Variants in KIAA2012 observed in about 807,000 individuals in gnomAD.
The protein encoded by KIAA2012 is KIAA2012, also known as uncharacterized protein KIAA2012.
A neutral mutation model predicts 150.6 loss-of-function variants in KIAA2012; 125 were observed. The observed-to-expected ratio is 0.83, with a 90% CI of 0.72 to 0.96. KIAA2012 has a LOEUF of 0.96. KIAA2012 is among the 40% of genes least tolerant of loss of function. The pLI is 0.00. For synonymous variants in KIAA2012, 462 were observed against 504.7 expected, an observed-to-expected ratio of 0.92 and a Z score of 1.13; for missense variants, 1,219 against 1,354.9, an observed-to-expected ratio of 0.90 and a Z score of 1.57.
rs774551426 is a variant in KIAA2012 at position 202,105,736 on chromosome 2, A to G, written c.1325-25A>G. The stretch of plus-strand genomic sequence containing the variant: ...GCAAAAACAACAGACCTCTGCTACA[A>G]TTCAGCCTCCTCTTTGTCTCCTAGG... On this transcript the variant is annotated intron_variant, in intron 8 of 23. Coordinates refer to ENST00000498697, the MANE Select transcript of KIAA2012 (RefSeq NM_001277372.4). The G allele has an allele frequency of 9.0e-6, 14 of 1,547,122 alleles. No homozygotes were observed. The South Asian group carries it at 1.6e-4, about 17-fold the overall frequency.
intron 2 of KIAA2012, among the ~76,000 whole-genome samples, chr2:202,079,390 G>C (rs1367820488): frequency 5.3e-5 from 8 of 152,156 alleles, no homozygotes; most frequent in Non-Finnish European, 1.0e-4. Flanking sequence ...GAGTAATAGT[G>C]CTGCTCACGG....
chr2:202,091,422 G>A (rs111757611), intron 3 of KIAA2012, among the ~76,000 whole-genome samples: 4 of 152,230 alleles, frequency 2.6e-5, no homozygotes, highest in South Asian at 2.1e-4. Context: ...AGGTCCTCCC[G>A]GAAGTGAAAT....
chr2:202,196,253 G>C (rs1441235908), intron 21 of KIAA2012, among the ~76,000 whole-genome samples: 1 of 134,748 alleles, frequency 7.4e-6, no homozygotes, highest in Non-Finnish European at 1.5e-5. Flanking sequence ...TGAGTGCAAC[G>C]GCGCGATCTC....
At chr2:202,095,665 TTC>T (rs1431292072) in intron 4 of KIAA2012, among the ~76,000 whole-genome samples, 5 of 152,114 alleles carry the variant, frequency 3.3e-5, no homozygotes, top group African/African-American at 9.7e-5. Flanking sequence ...AGAAAAAAAA[TTC>T]TGTTTCCCCT....
At chr2:202,083,145 A>G (rs1240207630) in intron 2 of KIAA2012, among the ~76,000 whole-genome samples, 1 of 152,224 alleles carries the variant, frequency 6.6e-6, no homozygotes, top group African/African-American at 2.4e-5. Flanking sequence ...TAATGAGAAC[A>G]TTCAGACCAC....
chr2:202,154,814 A>G lies in KIAA2012; in HGVS notation c.2046+4A>G, dbSNP rs1351243268. The stretch of plus-strand genomic sequence containing the variant: ...CGACATGACGCCGTTCCTGAAGGTG[A>G]TCTCACACTGAGAAGACGAGGGGTT... On this transcript the variant is annotated splice_donor_region_variant and intron_variant, in intron 14 of 23. Transcript: ENST00000498697. 6.5e-7 allele frequency: 1 copy of G among 1,544,514 alleles called. No individual in the cohort carries two copies. The highest frequency in any genetic ancestry group is 2.0e-5 in the Admixed American group (1 of 49,104).
intron 2 of KIAA2012, 35 bp downstream of exon 2, chr2:202,075,210 G>T (rs764879008): frequency 8.7e-6 from 13 of 1,496,238 alleles, no homozygotes; most frequent in Non-Finnish European, 1.1e-5. Context: ...TGGGGAAGGT[G>T]CTGGTAGCAT....
intron 22 of KIAA2012, among the ~76,000 whole-genome samples, chr2:202,200,672 A>C (rs538291168): frequency 2.8e-4 from 42 of 151,456 alleles, no homozygotes; most frequent in African/African-American, 9.7e-4. Context: ...CAAAGACTTA[A>C]AGGAGATTAA....
chr2:202,094,921 A>C, intron 4 of KIAA2012, among the ~76,000 whole-genome samples: 1 of 152,226 alleles, frequency 6.6e-6, no homozygotes, highest in East Asian at 1.9e-4. Flanking sequence ...AATCAGGCAG[A>C]AAACAAAGAG....
rs749024588 is a variant in KIAA2012, at chr2:202,165,367, C to G, written c.2119+11C>G. 6.5e-7 allele frequency: 1 copy of G among 1,548,514 alleles called. No individual in the cohort carries two copies. ...ACCACAACGACCAAGGTACAGACCA[C>G]TAGGTGGGGCTTTATAATCTTATAG... On this transcript the variant is annotated intron_variant, in intron 15 of 23. Coordinates refer to ENST00000498697, the MANE Select transcript of KIAA2012 (RefSeq NM_001277372.4).
At chr2:202,101,460 C>A (rs1055048706) in intron 7 of KIAA2012, among the ~76,000 whole-genome samples, 2 of 152,248 alleles carry the variant, frequency 1.3e-5, no homozygotes, top group African/African-American at 4.8e-5. Flanking sequence ...AAGCCCTCGA[C>A]TTTGCTCCTG....
intron 2 of KIAA2012, chr2:202,076,953 G>A (rs772345717): frequency 8.8e-5 from 40 of 456,566 alleles, no homozygotes; most frequent in Non-Finnish European, 1.5e-4. Flanking sequence ...AATGGGAGAC[G>A]CTGGAAAGAG....
Position 202,107,806 on chromosome 2 carries a change from C to T in KIAA2012, c.1475-1807C>T, listed in dbSNP as rs531955221. Among the ~76,000 whole-genome samples the T allele has an allele frequency of 9.2e-5, 14 of 152,208 alleles. No individual in the cohort carries two copies. In the South Asian group the frequency reaches 2.3e-3, roughly 25 times the overall value. ...GGCAGATCACCTGAGGTCAGGAGTT[C>T]GAGACCAGCCTGACCAACGTGGTGA... On this transcript the variant is annotated intron_variant, in intron 9 of 23. Transcript: ENST00000498697.
chr2:202,129,024 C>A (rs1443163257), intron 12 of KIAA2012, among the ~76,000 whole-genome samples: 1 of 151,806 alleles, frequency 6.6e-6, no homozygotes, highest in Non-Finnish European at 1.5e-5. Context: ...GCTTCTCCTG[C>A]CAGCGGCAGG....
Position 202,099,920 on chromosome 2 carries a change from G to C in KIAA2012, c.1012+124G>C, listed in dbSNP as rs539977821. 1.9e-4 allele frequency: 165 copies of C among 878,372 alleles called. 1 individual carries two copies. The African/African-American group carries it at 2.5e-3, about 13-fold the overall frequency. 54.4% of individuals were successfully genotyped at this position (878,372 alleles called of 1,614,324 possible). On this transcript the variant is annotated intron_variant, in intron 6 of 23. Coordinates refer to ENST00000498697, the MANE Select transcript of KIAA2012 (RefSeq NM_001277372.4). ...CACTCACCTTACAAAATAAAAGCCA[G>C]AATCTAGCTGGACGTGGGAATGAGA... is the stretch of plus-strand genomic sequence containing the variant.
At chr2:202,185,204 T>C (rs1692203914) in intron 16 of KIAA2012, among the ~76,000 whole-genome samples, 1 of 152,104 alleles carries the variant, frequency 6.6e-6, no homozygotes, top group Non-Finnish European at 1.5e-5. Context: ...CAGCTCTGAG[T>C]AAAATAAATA....
chr2:202,091,335 G>A (rs1280680039), intron 3 of KIAA2012, among the ~76,000 whole-genome samples: 3 of 152,196 alleles, frequency 2.0e-5, no homozygotes, highest in African/African-American at 7.2e-5. Context: ...GCTGGGACCA[G>A]AAGTCAGATC....
intron 2 of KIAA2012, among the ~76,000 whole-genome samples, chr2:202,080,556 C>T (rs937785466): frequency 2.0e-5 from 3 of 151,860 alleles, no homozygotes; most frequent in Non-Finnish European, 4.4e-5. Context: ...ATTAGCCAGG[C>T]GTGGTGGTGC....
intron 4 of KIAA2012, among the ~76,000 whole-genome samples, chr2:202,095,388 C>T (rs1022898447): frequency 6.6e-6 from 1 of 152,202 alleles, no homozygotes; most frequent in African/African-American, 2.4e-5. Flanking sequence ...GGCTAAGTCA[C>T]TTATGCTCCC....
Sources: gnomAD v4.1 joint callset for allele counts (sites outside exome capture counted in the v4.1 genomes callset) on GRCh38, gnomAD v4.1.1 for gene constraint, MANE v1.5 for transcripts, NCBI Gene and HGNC (gene_info 2026-07-23, HGNC 2026-07-21) for gene names.